The following DPP10 variants were observed in gnomAD, a reference collection of about 807,000 sequenced individuals.
The protein encoded by DPP10 is dipeptidyl peptidase like 10.
DPP10 carries 33 observed loss-of-function variants against 120.9 expected under a neutral mutation model. The ratio of observed to expected loss-of-function variants is 0.27; its 90% CI spans 0.21 to 0.37. DPP10 has a LOEUF of 0.37. Ranked by LOEUF, DPP10 falls within the 10% of genes least tolerant of loss-of-function variation. The pLI, the probability that DPP10 is intolerant of heterozygous loss-of-function variation, is 1.00. For missense variants in DPP10, 816 were observed against 942.8 expected, an observed-to-expected ratio of 0.87 and a Z score of 1.76; for synonymous variants, 337 against 326.1, an observed-to-expected ratio of 1.03 and a Z score of -0.36.
chr2:115,667,834 T>C (rs2089578060), intron 5 of DPP10, among the ~76,000 whole-genome samples: 2 of 151,898 alleles, frequency 1.3e-5, no homozygotes, highest in African/African-American at 2.4e-5. Context: ...TCTTATATTA[T>C]ATTATATTCT....
At chr2:115,233,997 A>T (rs1240125666) in intron 1 of DPP10, 1 of 514,414 alleles carries the variant, frequency 1.9e-6, no homozygotes, top group South Asian at 1.4e-5. Context: ...AGTTAAATGG[A>T]GGTAGTGGGG....
intron 1 of DPP10, among the ~76,000 whole-genome samples, chr2:114,739,725 TG>T (rs1205407851): frequency 1.3e-5 from 2 of 152,168 alleles, no homozygotes; most frequent in Non-Finnish European, 2.9e-5. Flanking sequence ...TACATTCTTC[TG>T]GTGGCAACGT....
chr2:115,632,300 G>A (rs2085938983), intron 5 of DPP10, among the ~76,000 whole-genome samples: 1 of 151,976 alleles, frequency 6.6e-6, no homozygotes. Context: ...TTGTGTCTTT[G>A]TACGTGAGAT....
At chr2:115,157,959 A>G (rs946504768) in intron 1 of DPP10, among the ~76,000 whole-genome samples, 1 of 152,216 alleles carries the variant, frequency 6.6e-6, no homozygotes, top group African/African-American at 2.4e-5. Flanking sequence ...GAGGGTTTCT[A>G]GCAACTAGCT....
chr2:115,499,728 C>T (rs1202704655), intron 4 of DPP10, 124 bp downstream of exon 4: 1 of 552,738 alleles, frequency 1.8e-6, no homozygotes, highest in Non-Finnish European at 3.0e-6. Flanking sequence ...AAAGTTGGGG[C>T]TGGAATATCA....
chr2:115,836,134 A>G, intron 21 of DPP10, 23 bp from the exon 22 acceptor site: 1 of 1,166,294 alleles, frequency 8.6e-7, no homozygotes, highest in Non-Finnish European at 1.2e-6. Flanking sequence ...ATATATATAT[A>G]TATATATATT....
intron 1 of DPP10, among the ~76,000 whole-genome samples, chr2:114,513,843 T>A (rs1684374966): frequency 6.6e-6 from 1 of 152,168 alleles, no homozygotes; most frequent in Admixed American, 6.5e-5. Context: ...GAAAATGAAA[T>A]GACTTCAGAG....
intron 1 of DPP10, among the ~76,000 whole-genome samples, chr2:115,075,036 G>C (rs1018860237): frequency 2.0e-5 from 3 of 152,208 alleles, no homozygotes; most frequent in African/African-American, 7.2e-5. Context: ...CCACAGACAA[G>C]AGAGTGAGAA....
At chr2:115,682,752 G>C (rs955875666) in intron 5 of DPP10, among the ~76,000 whole-genome samples, 2 of 151,830 alleles carry the variant, frequency 1.3e-5, no homozygotes, top group African/African-American at 2.4e-5. Flanking sequence ...GCCATCCATT[G>C]TCTAAAGTAA....
At chr2:115,827,412 GTGTATA>G (rs1172319014) in intron 21 of DPP10, among the ~76,000 whole-genome samples, 171 of 81,942 alleles carry the variant, frequency 2.1e-3, no homozygotes, top group Non-Finnish European at 2.8e-3. Context: ...GTATGTGTGT[GTGTATA>G]TATATATATA....
chr2:115,232,538 T>C (rs933832234), intron 1 of DPP10, among the ~76,000 whole-genome samples: 3 of 152,200 alleles, frequency 2.0e-5, no homozygotes, highest in Non-Finnish European at 4.4e-5. Flanking sequence ...TGCCTTCTGA[T>C]TTCCCTTGCT....
At chr2:115,322,688 G>T (rs2062122363) in intron 2 of DPP10, among the ~76,000 whole-genome samples, 2 of 152,180 alleles carry the variant, frequency 1.3e-5, no homozygotes, top group South Asian at 4.1e-4. Flanking sequence ...GGCATGCATT[G>T]TAATATTGCA....
At chr2:115,560,040 C>G (rs1364412632) in intron 5 of DPP10, among the ~76,000 whole-genome samples, 1 of 151,828 alleles carries the variant, frequency 6.6e-6, no homozygotes, top group Non-Finnish European at 1.5e-5. Context: ...TAAATTCTCT[C>G]TCTAAGACTT....
intron 19 of DPP10, among the ~76,000 whole-genome samples, chr2:115,798,966 A>T (rs1684853696): frequency 6.6e-6 from 1 of 152,096 alleles, no homozygotes; most frequent in Admixed American, 6.6e-5. Flanking sequence ...CTGTATGATT[A>T]GAGCTCTCAG....
chr2:115,063,285 T>G (rs1203902133), intron 1 of DPP10, among the ~76,000 whole-genome samples: 1 of 152,234 alleles, frequency 6.6e-6, no homozygotes, highest in Non-Finnish European at 1.5e-5. Context: ...TTCTGGATAT[T>G]AGGCCTTTGT....
At chr2:115,235,827 CT>C (rs766929726) in intron 1 of DPP10, among the ~76,000 whole-genome samples, 3 of 152,144 alleles carry the variant, frequency 2.0e-5, no homozygotes, top group Non-Finnish European at 4.4e-5. Flanking sequence ...TCCGAAAGTG[CT>C]GGGAATACAG....
chr2:114,513,358 T>C (rs1684312535), intron 1 of DPP10, among the ~76,000 whole-genome samples: 1 of 151,610 alleles, frequency 6.6e-6, no homozygotes, highest in South Asian at 2.1e-4. Context: ...CTGTCTCTAC[T>C]AAAAATACAA....
chr2:115,140,197 G>T (rs573609887), intron 1 of DPP10, among the ~76,000 whole-genome samples: 4 of 152,190 alleles, frequency 2.6e-5, no homozygotes, highest in Non-Finnish European at 5.9e-5. Context: ...TAGAGAAGGT[G>T]ATCAGGAAAG....
chr2:115,675,804 C>T (rs1227676226), intron 5 of DPP10, among the ~76,000 whole-genome samples: 1 of 152,142 alleles, frequency 6.6e-6, no homozygotes, highest in Non-Finnish European at 1.5e-5. Context: ...GTTATTGCAG[C>T]ACAATGACAT....
Sources: gnomAD v4.1 joint callset for allele counts (sites outside exome capture counted in the v4.1 genomes callset) on GRCh38, gnomAD v4.1.1 for gene constraint, MANE v1.5 for transcripts, NCBI Gene and HGNC (gene_info 2026-07-23, HGNC 2026-07-21) for gene names.